ZBTB16: variants seen among roughly 807,000 people sequenced by gnomAD.
ZBTB16 encodes zinc finger and BTB domain containing 16.
Under a neutral mutation model 56.8 loss-of-function variants are expected in ZBTB16, and 8 were observed. The ratio of observed to expected loss-of-function variants is 0.14; its 90% CI spans 0.08 to 0.25. ZBTB16 has a LOEUF of 0.25. Among genes scored for constraint, ZBTB16 ranks in the 10% least tolerant of loss-of-function variants. ZBTB16 has a pLI of 1.00. For synonymous variants in ZBTB16, 363 were observed against 368.5 expected (o/e 0.98, Z 0.17); for missense variants, 625 against 903.0 (o/e 0.69, Z 3.95).
intron 5 of ZBTB16, 117 bp downstream of exon 5, chr11:114,242,454 A>G: frequency 6.9e-7 from 1 of 1,440,718 alleles, no homozygotes; most frequent in Non-Finnish European, 9.4e-7. Context: ...CTTCTGCTCA[A>G]GGCTTGGACG....
intron 3 of ZBTB16, among the ~76,000 whole-genome samples, chr11:114,167,955 A>G (rs541471595): frequency 6.6e-6 from 1 of 152,284 alleles, no homozygotes; most frequent in South Asian, 2.1e-4. Context: ...ACTCAGCCCT[A>G]GGATGTGTCT....
intron 4 of ZBTB16, among the ~76,000 whole-genome samples, chr11:114,198,197 A>G (rs1410605065): frequency 6.6e-6 from 1 of 152,196 alleles, no homozygotes; most frequent in African/African-American, 2.4e-5. Flanking sequence ...GGTGATTTGT[A>G]TAGCATTTCA....
Position 114,064,409 on chromosome 11 carries a change from C to T in ZBTB16, c.1109C>T (p.Thr370Ile). 2 of 1,614,102 alleles carry T rather than the reference C, an allele frequency of 1.2e-6. No individual in the cohort carries two copies. The highest frequency in any genetic ancestry group is 1.7e-6 in the Non-Finnish European group (2 of 1,180,042). ...CTGGCTGTCTCCATGGACTTCAGCA[C>T]CTATGGGGGGCTGCTGCCCCAGGGC... ...PALAVSMDFS[T>I]YGGLLPQGFI... is the part of the protein sequence containing the mutation. Residue 370 changes from threonine (T) to isoleucine (I), a missense_variant, in exon 2 of 7, where the codon ACC (threonine) becomes ATC (isoleucine). By Grantham distance (89) the Thr-to-Ile change is moderately conservative. Around this residue, in one of 6 missense-constraint regions of ZBTB16, gnomAD observed 384 missense variants for 393.5 expected, o/e 0.98. Transcript: ENST00000335953. The surrounding 1 kb of genome is among the most constrained non-coding windows in gnomAD (Gnocchi z 4.2).
chr11:114,193,749 G>A (rs916288591), intron 4 of ZBTB16, among the ~76,000 whole-genome samples: 6 of 152,190 alleles, frequency 3.9e-5, no homozygotes, highest in African/African-American at 7.2e-5. Flanking sequence ...GGAAGCCAAC[G>A]GGAGAGTAGG....
intron 3 of ZBTB16, among the ~76,000 whole-genome samples, chr11:114,159,939 G>GGGC (rs1555145926): frequency 6.7e-6 from 1 of 149,324 alleles, no homozygotes; most frequent in African/African-American, 2.5e-5. Flanking sequence ...GGGGGAGGCG[G>GGGC]GGGGGAGGCG....
In ZBTB16 at chr11:114,203,094, A is replaced by G. The variant is rs576720572; in HGVS notation, c.1453+16056A>G. Reference sequence around the variant, plus strand: ...GATGCATGGATATACAAAATGTGGTATATCCATACCATGGACTATAATTTG... The same window carrying G: ...GATGCATGGATATACAAAATGTGGTGTATCCATACCATGGACTATAATTTG... On this transcript the variant is annotated intron_variant, in intron 4 of 6. Coordinates refer to ENST00000335953, the MANE Select transcript of ZBTB16 (RefSeq NM_006006.6). Among the ~76,000 whole-genome samples, 91 of 152,372 alleles carry G rather than the reference A, an allele frequency of 6.0e-4. 5 individuals carry two copies. The highest frequency in any genetic ancestry group is 1.7e-3 in the Admixed American group (26 of 15,304).
At chr11:114,136,128 A>G (rs1201334142) in intron 2 of ZBTB16, among the ~76,000 whole-genome samples, 1 of 152,116 alleles carries the variant, frequency 6.6e-6, no homozygotes, top group African/African-American at 2.4e-5. Flanking sequence ...TGGGGTGCTG[A>G]TGTCCTTCTC....
chr11:114,240,838 C>T (rs1436329779), intron 4 of ZBTB16, among the ~76,000 whole-genome samples: 1 of 152,226 alleles, frequency 6.6e-6, no homozygotes, highest in Non-Finnish European at 1.5e-5. Context: ...TCTCACATCA[C>T]TCGCTAGCTT....
At chr11:114,162,629 C>T (rs1201116582) in intron 3 of ZBTB16, among the ~76,000 whole-genome samples, 2 of 152,232 alleles carry the variant, frequency 1.3e-5, no homozygotes, top group East Asian at 3.9e-4. Context: ...TTCTGGTTAG[C>T]TTCCTACCAT....
chr11:114,229,754 A>G (rs952169554), intron 4 of ZBTB16, among the ~76,000 whole-genome samples: 2 of 152,234 alleles, frequency 1.3e-5, no homozygotes, highest in African/African-American at 4.8e-5. Context: ...GTTAGCTAAA[A>G]GAGAGTTCTG....
intron 2 of ZBTB16, among the ~76,000 whole-genome samples, chr11:114,072,778 C>T (rs1012155917): frequency 4.6e-5 from 7 of 152,046 alleles, no homozygotes; most frequent in African/African-American, 9.7e-5. Flanking sequence ...ACAGGCCGGG[C>T]GCAGTGGCTC....
chr11:114,067,438 A>C (rs1207899254), intron 2 of ZBTB16, among the ~76,000 whole-genome samples: 1 of 151,870 alleles, frequency 6.6e-6, no homozygotes, highest in East Asian at 1.9e-4. Context: ...GCAGAGTCTT[A>C]CTCTGTCGCC....
At chr11:114,105,428 C>T (rs570816687) in intron 2 of ZBTB16, among the ~76,000 whole-genome samples, 24 of 152,132 alleles carry the variant, frequency 1.6e-4, no homozygotes, top group African/African-American at 5.5e-4. Flanking sequence ...TTAATAGAGA[C>T]GGGGTTTCGC....
chr11:114,250,408 C>T lies in ZBTB16; in HGVS notation c.1875C>T (p.Asn625=), dbSNP rs566297803. 5.6e-6 allele frequency: 9 copies of T among 1,614,148 alleles called. No individual in the cohort carries two copies. The highest frequency in any genetic ancestry group is 4.0e-5 in the African/African-American group (3 of 75,062). Residue 625 remains asparagine, a synonymous_variant, in exon 7 of 7, where the codon AAC becomes AAT. Transcript: ENST00000335953. The surrounding 1 kb of genome is among the most constrained non-coding windows in gnomAD (Gnocchi z 6.0). The part of the protein sequence containing the change: ...SAMIKHLRTH[N]GASPYQCTIC... Reference sequence around the variant, plus strand: ...TGATCAAGCACCTGAGAACGCACAACGGCGCCTCGCCCTACCAGTGCACCA... The same window carrying T: ...TGATCAAGCACCTGAGAACGCACAATGGCGCCTCGCCCTACCAGTGCACCA...
intron 4 of ZBTB16, among the ~76,000 whole-genome samples, chr11:114,193,748 C>T (rs991816234): frequency 3.3e-5 from 5 of 152,024 alleles, no homozygotes; most frequent in Non-Finnish European, 4.4e-5. Context: ...GGGAAGCCAA[C>T]GGGAGAGTAG....
At chr11:114,226,420 C>T (rs1944329557) in intron 4 of ZBTB16, among the ~76,000 whole-genome samples, 1 of 152,164 alleles carries the variant, frequency 6.6e-6, no homozygotes, top group Non-Finnish European at 1.5e-5. Flanking sequence ...AGAGAGTCAG[C>T]CCTAAGGCCT....
At chr11:114,247,402 G>A in intron 6 of ZBTB16, 37 bp downstream of exon 6, 1 of 1,613,604 alleles carries the variant, frequency 6.2e-7, no homozygotes, top group Non-Finnish European at 8.5e-7. Flanking sequence ...GCTGGCTCTG[G>A]GACCTGGGCG....
chr11:114,163,523 G>A (rs991652179), intron 3 of ZBTB16, among the ~76,000 whole-genome samples: 2 of 151,980 alleles, frequency 1.3e-5, no homozygotes, highest in Non-Finnish European at 2.9e-5. Context: ...AATCCCCCAC[G>A]TAACTGCCAC....
intron 6 of ZBTB16, among the ~76,000 whole-genome samples, chr11:114,249,822 C>G (rs1176793483): frequency 6.8e-6 from 1 of 146,372 alleles, no homozygotes; most frequent in Non-Finnish European, 1.5e-5. Flanking sequence ...TCCCCAGGTG[C>G]AGCATATTTG....
Sources: allele counts gnomAD v4.1 joint callset (sites outside exome capture counted in the v4.1 genomes callset), GRCh38; gene constraint gnomAD v4.1.1; regional missense constraint gnomAD v4.1.1; non-coding constraint Gnocchi (gnomAD v3.1); transcripts MANE v1.5; gene names NCBI Gene and HGNC (gene_info 2026-07-23, HGNC 2026-07-21).